OR52K1: variants seen among roughly 807,000 people sequenced by gnomAD.
OR52K1 encodes the protein olfactory receptor 52K1.
In OR52K1, 10 loss-of-function variants were observed where a neutral mutation model predicts 8.7. The ratio of observed to expected loss-of-function variants is 1.15; its 90% CI spans 0.71 to 1.95. The LOEUF (loss-of-function observed/expected upper bound fraction) is 1.95. OR52K1 is among the 30% of genes most tolerant of loss of function. The pLI is 0.00. For synonymous variants in OR52K1, 203 were observed against 148.5 expected (o/e 1.37, Z -2.67); for missense variants, 431 against 397.2 (o/e 1.08, Z -0.72).
At chr11:4,483,267 G>A (rs546407537) in intron 1 of OR52K1, 91 bp downstream of exon 1, 1 of 398,248 alleles carries the variant, frequency 2.5e-6, no homozygotes, top group East Asian at 3.6e-5. Context: ...CTGGTTCTAA[G>A]TTTTTCAGAT....
intron 1 of OR52K1, among the ~76,000 whole-genome samples, chr11:4,486,207 T>C (rs571855912): frequency 2.0e-5 from 3 of 152,338 alleles, no homozygotes; most frequent in Admixed American, 6.5e-5. Context: ...TTCTGGTACA[T>C]GTATGGACCT....
At position 4,482,806 on chromosome 11, in the gene OR52K1, AG is replaced by A; in HGVS notation, c.-697del. The A allele has an allele frequency of 4.1e-6, 1 of 241,532 alleles. No homozygotes were observed. The highest frequency in any genetic ancestry group is 7.9e-6 in the Non-Finnish European group (1 of 126,762). 15.0% of individuals were successfully genotyped at this position (241,532 alleles called of 1,614,324 possible). A position where few individuals can be genotyped will look rare whatever the true frequency, so the allele number is the denominator to read the frequency against. On this transcript the variant is annotated 5_prime_UTR_variant, in exon 1 of 2. Coordinates refer to ENST00000641528, the MANE Select transcript of OR52K1 (RefSeq NM_001005171.3). ...AGCAGGAAGGTGGGAGTGAGCTGGA[AG>A]GTGGGGGCACTGTCAATTTCTTCCC...
rs569575095 is a variant in OR52K1 at position 4,492,884 on chromosome 11, G to A, written c.*3039G>A. Reference sequence around the variant, plus strand: ...TACCACCAAGATGCAGAGACCGGTAGTGGCCCCGAATGCCTGGCTGCACTG... The same window carrying A: ...TACCACCAAGATGCAGAGACCGGTAATGGCCCCGAATGCCTGGCTGCACTG... On this transcript the variant is annotated 3_prime_UTR_variant, in exon 2 of 2. Coordinates refer to ENST00000641528, the MANE Select transcript of OR52K1 (RefSeq NM_001005171.3). 1.7e-4 allele frequency: 34 copies of A among 195,302 alleles called. No homozygotes were observed. Among genetic ancestry groups the A allele is most frequent in the African/African-American group, 7.6e-4 (32 of 42,198 alleles). 12.1% of individuals were successfully genotyped at this position (195,302 alleles called of 1,614,324 possible). A position where few individuals can be genotyped will look rare whatever the true frequency, so the allele number is the denominator to read the frequency against.
At chr11:4,485,375 G>A (rs761021976) in intron 1 of OR52K1, among the ~76,000 whole-genome samples, 11 of 151,990 alleles carry the variant, frequency 7.2e-5, no homozygotes, top group South Asian at 2.1e-4. Flanking sequence ...TTTTCTATAC[G>A]TATTACCATA....
rs1291209286 is a variant in OR52K1 at position 4,489,433 on chromosome 11, A to G, written c.533A>G (p.His178Arg). 1 of 1,614,160 alleles carries G rather than the reference A, an allele frequency of 6.2e-7. No homozygotes were observed. Among genetic ancestry groups the G allele is most frequent in the Non-Finnish European group, 8.5e-7 (1 of 1,180,038 alleles). ...FHYCRGPVIAHCYCEHMAVVR... is the reference protein window; with the variant it reads ...FHYCRGPVIARCYCEHMAVVR... ...TACTGCCGAGGCCCAGTGATTGCCCATTGCTACTGTGAACACATGGCTGTG... is the reference window on the plus strand; with the variant it reads ...TACTGCCGAGGCCCAGTGATTGCCCGTTGCTACTGTGAACACATGGCTGTG... Residue 178 changes from histidine to arginine, a missense_variant, in exon 2 of 2, where the codon CAT becomes CGT. Physicochemically the swap from His to Arg is conservative, Grantham distance 29. Transcript: ENST00000641528.
chr11:4,486,971 A>G (rs936355631), intron 1 of OR52K1, among the ~76,000 whole-genome samples: 2 of 152,218 alleles, frequency 1.3e-5, no homozygotes, highest in African/African-American at 4.8e-5. Context: ...TTTAAGCAGG[A>G]GAGTGGTCAA....
At chr11:4,486,553 T>C (rs1297841409) in intron 1 of OR52K1, among the ~76,000 whole-genome samples, 1 of 152,244 alleles carries the variant, frequency 6.6e-6, no homozygotes, top group Non-Finnish European at 1.5e-5. Flanking sequence ...AGGTGTATAA[T>C]GAGCTTTTTA....
chr11:4,490,028 G>C lies in OR52K1; in HGVS notation c.*183G>C. ...AGGTCAAACCAGGAGTGCACCTATA[G>C]TCTGGTCTGATAGTAGAGGTTTGAC... On this transcript the variant is annotated 3_prime_UTR_variant, in exon 2 of 2. Transcript: ENST00000641528. 2 of 596,854 alleles carry C rather than the reference G, an allele frequency of 3.4e-6. No homozygotes were observed. The highest frequency in any genetic ancestry group is 6.0e-5 in the Admixed American group (2 of 33,214). The allele number at this position is 596,854 out of a possible 1,614,324, so 37.0% of individuals were successfully genotyped here. A position where few individuals can be genotyped will look rare whatever the true frequency, so the allele number is the denominator to read the frequency against.
In OR52K1 at chr11:4,491,690, A is replaced by G. The variant is rs936954659; in HGVS notation, c.*1845A>G. 2.6e-5 allele frequency: 4 copies of G among 151,516 alleles called. No homozygotes were observed. The highest frequency in any genetic ancestry group is 9.7e-5 in the African/African-American group (4 of 41,220). The allele number at this position is 151,516 out of a possible 1,614,324, so 9.4% of individuals were successfully genotyped here. A position where few individuals can be genotyped will look rare whatever the true frequency, so the allele number is the denominator to read the frequency against. ...TGCAAACTAAAAGGGGAATAGAAAA[A>G]TAAAATACCACATGTTCTCACTTAT... On this transcript the variant is annotated 3_prime_UTR_variant, in exon 2 of 2. Transcript: ENST00000641528.
At position 4,490,974 on chromosome 11, in the gene OR52K1, A is replaced by G. The variant is rs1332740767; in HGVS notation, c.*1129A>G. 6.6e-6 allele frequency: 1 copy of G among 152,218 alleles called. No individual in the cohort carries two copies. Among genetic ancestry groups the G allele is most frequent in the African/African-American group, 2.4e-5 (1 of 41,464 alleles). 9.4% of individuals were successfully genotyped at this position (152,218 alleles called of 1,614,324 possible). A position where few individuals can be genotyped will look rare whatever the true frequency, so the allele number is the denominator to read the frequency against. ...AGGCTATACCATATAGCTTAGGTGT[A>G]TAGCAAGCGATACCATCTAGGTTTG... On this transcript the variant is annotated 3_prime_UTR_variant, in exon 2 of 2. Transcript: ENST00000641528.
chr11:4,483,558 G>A (rs1243970991), intron 1 of OR52K1, among the ~76,000 whole-genome samples: 2 of 152,164 alleles, frequency 1.3e-5, no homozygotes, highest in African/African-American at 2.4e-5. Context: ...GAACTTCAAA[G>A]GAAGTAAGAT....
rs183994074 is a variant in OR52K1 at position 4,486,999 on chromosome 11, C to T, written c.-328-1574C>T. 2.6e-5 allele frequency among the ~76,000 whole-genome samples: 4 copies of T among 151,734 alleles called. No individual in the cohort carries two copies. The East Asian group carries it at 7.7e-4, about 29-fold the overall frequency. On this transcript the variant is annotated intron_variant, in intron 1 of 1. Transcript: ENST00000641528. ...GTGGTCAATTCAGATAAAAGTTGCT[C>T]AGCGGTCCAGTTGCATGAAGCCAGG...
Position 4,488,776 on chromosome 11 carries a change from G to A in OR52K1, c.-125G>A, listed in dbSNP as rs1354470149. ...GTTATTTTGTTTAAAGTCTAGCAAT[G>A]GAAACAAGAGGTAATCTTTGCAGGT... is the stretch of plus-strand genomic sequence containing the variant. On this transcript the variant is annotated 5_prime_UTR_variant, in exon 2 of 2. An upstream start codon of the reference 5' UTR is lost. Transcript: ENST00000641528. 2 of 692,982 alleles carry A rather than the reference G, an allele frequency of 2.9e-6. No individual in the cohort carries two copies. The highest frequency in any genetic ancestry group is 5.0e-6 in the Non-Finnish European group (2 of 398,472). 42.9% of individuals were successfully genotyped at this position (692,982 alleles called of 1,614,324 possible).
At position 4,493,455 on chromosome 11, in the gene OR52K1, G is replaced by A. The variant is rs331513; in HGVS notation, c.*3610G>A. 45,939 of 152,316 alleles carry A rather than the reference G, an allele frequency of 0.3. 7,178 individuals carry two copies. The highest frequency in any genetic ancestry group is 0.41 in the South Asian group (1,999 of 4,826). 9.4% of individuals were successfully genotyped at this position (152,316 alleles called of 1,614,324 possible). On this transcript the variant is annotated 3_prime_UTR_variant, in exon 2 of 2. Transcript: ENST00000641528. ...AGCCCTCTAGTGGCCCTGTCCGGGC[G>A]TGACAGAGGCTCACACTTGTCTTCT...
intron 1 of OR52K1, among the ~76,000 whole-genome samples, chr11:4,488,262 G>GCT (rs1846336606): frequency 6.6e-6 from 1 of 152,238 alleles, no homozygotes; most frequent in East Asian, 1.9e-4. Context: ...CTAGTCACAT[G>GCT]TGGCTATTGA....
rs1846375572 is a variant in OR52K1 at position 4,491,650 on chromosome 11, G to C, written c.*1805G>C. On this transcript the variant is annotated 3_prime_UTR_variant, in exon 2 of 2. Coordinates refer to ENST00000641528, the MANE Select transcript of OR52K1 (RefSeq NM_001005171.3). ...CTTTGCAGGAACATGGATGGAGCTA[G>C]AGGCCATTATTCTTTGCAAACTAAA... 6.6e-6 allele frequency: 1 copy of C among 152,124 alleles called. No homozygotes were observed. Among genetic ancestry groups the C allele is most frequent in the African/African-American group, 2.4e-5 (1 of 41,436 alleles). 9.4% of individuals were successfully genotyped at this position (152,124 alleles called of 1,614,324 possible).
In OR52K1 at chr11:4,489,569, C is replaced by A. The variant is rs761545799; in HGVS notation, c.669C>A (p.Ile223=). ...LLFVILSYVF[I]LQAVLQLASQ... ...TTGTTATCCTGTCTTATGTCTTCAT[C>A]CTTCAGGCAGTTCTCCAGCTTGCCT... is the stretch of plus-strand genomic sequence containing the variant. Residue 223 remains isoleucine (I), a synonymous_variant, in exon 2 of 2, where the codon ATC becomes ATA. Transcript: ENST00000641528. The A allele has an allele frequency of 8.1e-6, 13 of 1,614,214 alleles. No homozygotes were observed. In the East Asian group the frequency reaches 2.9e-4, roughly 36 times the overall value.
chr11:4,484,833 GACACACACACACACACAC>G (rs57428088), intron 1 of OR52K1, among the ~76,000 whole-genome samples: 20 of 113,676 alleles, frequency 1.8e-4, no homozygotes, highest in Non-Finnish European at 2.5e-4. Context: ...AAAACACACA[GACACACACACACACACAC>G]ACACACACAC....
chr11:4,488,977 A>AT lies in OR52K1; in HGVS notation c.78dup (p.Ala27CysfsTer28). On this transcript the variant is annotated frameshift_variant, in exon 2 of 2. Transcript: ENST00000641528. LOFTEE classifies it high-confidence loss of function. ...GGAATTCCTGGTTTGGAACACCTGC[A>AT]TGCCTGGATCTCCATCCCCTTCTGC... The AT allele has an allele frequency of 1.9e-6, 3 of 1,614,164 alleles. No individual in the cohort carries two copies. Among genetic ancestry groups the AT allele is most frequent in the Non-Finnish European group, 2.5e-6 (3 of 1,179,998 alleles).
Sources: allele counts gnomAD v4.1 joint callset (sites outside exome capture counted in the v4.1 genomes callset), GRCh38; gene constraint gnomAD v4.1.1; transcripts MANE v1.5; gene names NCBI Gene and HGNC (gene_info 2026-07-23, HGNC 2026-07-21).